The following SPAG1 variants were observed in gnomAD, a reference collection of about 807,000 sequenced individuals.
SPAG1 encodes sperm-associated antigen 1.
Under a neutral mutation model 100.5 loss-of-function variants are expected in SPAG1, and 69 were observed. The observed-to-expected ratio is 0.69, with a 90% confidence interval of 0.57 to 0.84. The LOEUF (loss-of-function observed/expected upper bound fraction) is 0.84, where lower values mean the gene tolerates loss of function less well. SPAG1 is among the 40% of genes least tolerant of loss of function. The probability of loss-of-function intolerance (pLI) is 0.00; values close to 1 mark genes in which losing one functional copy is unlikely to be tolerated. For synonymous variants in SPAG1, 336 were observed against 411.6 expected, an observed-to-expected ratio of 0.82 and a Z score of 2.22; for missense variants, 955 against 1,133.1, an observed-to-expected ratio of 0.84 and a Z score of 2.26.
intron 9 of SPAG1, among the ~76,000 whole-genome samples, chr8:100,193,848 G>A (rs1446658159): frequency 6.6e-6 from 1 of 152,122 alleles, no homozygotes; most frequent in Non-Finnish European, 1.5e-5. Context: ...CTAGAAAGAT[G>A]ATTATCAAAA....
Position 100,189,838 on chromosome 8 carries a change from C to A in SPAG1, c.833-1552C>A, listed in dbSNP as rs762418428. On this transcript the variant is annotated intron_variant, in intron 8 of 18. Coordinates refer to ENST00000388798, the MANE Select transcript of SPAG1 (RefSeq NM_003114.5). ...CTTCATAGAAATTCCCTTCAGAAAT[C>A]TGTGTAGCAATAGCAATAGCTAAAT... Among the ~76,000 whole-genome samples the A allele has an allele frequency of 3.3e-5, 5 of 152,224 alleles. No individual in the cohort carries two copies. The East Asian group carries it at 7.7e-4, about 23-fold the overall frequency.
At chr8:100,160,487 C>T (rs1043696029) in intron 1 of SPAG1, among the ~76,000 whole-genome samples, 4 of 152,050 alleles carry the variant, frequency 2.6e-5, no homozygotes, top group African/African-American at 4.8e-5. Flanking sequence ...ATTAGTTGGG[C>T]GTGGTGGCCC....
intron 3 of SPAG1, among the ~76,000 whole-genome samples, chr8:100,168,432 T>A (rs1397314727): frequency 6.6e-6 from 1 of 152,142 alleles, no homozygotes; most frequent in African/African-American, 2.4e-5. Context: ...GTTGCTTTTT[T>A]GCCCAGGCTG....
At chr8:100,219,418 T>A (rs911810399) in intron 12 of SPAG1, among the ~76,000 whole-genome samples, 3 of 152,240 alleles carry the variant, frequency 2.0e-5, no homozygotes, top group Non-Finnish European at 4.4e-5. Context: ...ATGGAGGACT[T>A]CTTTGCAGCT....
intron 11 of SPAG1, 143 bp downstream of exon 11, chr8:100,213,571 C>T: frequency 2.8e-6 from 2 of 719,576 alleles, no homozygotes; most frequent in South Asian, 2.8e-5. Flanking sequence ...ACTAAGAGCG[C>T]CGTGCCACCT....
intron 14 of SPAG1, among the ~76,000 whole-genome samples, chr8:100,226,685 A>G (rs1278792445): frequency 2.0e-5 from 3 of 152,146 alleles, no homozygotes; most frequent in Non-Finnish European, 4.4e-5. Context: ...CCTGGGTGAC[A>G]GAATAAGATG....
chr8:100,192,731 T>C (rs1816867285), intron 9 of SPAG1, among the ~76,000 whole-genome samples: 1 of 152,170 alleles, frequency 6.6e-6, no homozygotes, highest in South Asian at 2.1e-4. Flanking sequence ...GTAATGGTTA[T>C]GTTTATTTAT....
chr8:100,224,407 T>C (rs369715865), intron 13 of SPAG1, among the ~76,000 whole-genome samples: 7 of 152,142 alleles, frequency 4.6e-5, no homozygotes, highest in Admixed American at 2.6e-4. Flanking sequence ...CTGGGCGTGG[T>C]GGCGCGTGCC....
intron 14 of SPAG1, among the ~76,000 whole-genome samples, chr8:100,229,419 G>A (rs1472061971): frequency 6.6e-6 from 1 of 151,934 alleles, no homozygotes; most frequent in Non-Finnish European, 1.5e-5. Flanking sequence ...GCGAGACTCC[G>A]TCTCAAAAAA....
At chr8:100,229,891 A>G (rs1015233816) in intron 14 of SPAG1, among the ~76,000 whole-genome samples, 2 of 152,208 alleles carry the variant, frequency 1.3e-5, no homozygotes, top group African/African-American at 4.8e-5. Flanking sequence ...TTCAGGACTC[A>G]GAGACTCCAG....
intron 1 of SPAG1, among the ~76,000 whole-genome samples, chr8:100,161,022 A>G (rs1815283341): frequency 6.6e-6 from 1 of 152,026 alleles, no homozygotes; most frequent in African/African-American, 2.4e-5. Context: ...ATGGAAAAAA[A>G]CCTCTACCTT....
chr8:100,198,465 G>A (rs369164066), intron 10 of SPAG1, among the ~76,000 whole-genome samples: 23 of 152,202 alleles, frequency 1.5e-4, no homozygotes, highest in African/African-American at 4.6e-4. Context: ...AAAACTGGGC[G>A]AAGCATACAG....
intron 12 of SPAG1, among the ~76,000 whole-genome samples, chr8:100,216,651 G>A (rs940961579): frequency 5.9e-5 from 9 of 152,258 alleles, no homozygotes; most frequent in Admixed American, 3.9e-4. Flanking sequence ...CGTAGAGACC[G>A]ACCTACTCAG....
At chr8:100,190,491 A>G (rs1246921316) in intron 8 of SPAG1, among the ~76,000 whole-genome samples, 2 of 150,718 alleles carry the variant, frequency 1.3e-5, no homozygotes, top group Non-Finnish European at 3.0e-5. Context: ...CCAAAAAATC[A>G]AATGCGAATT....
At chr8:100,176,268 G>A (rs997754400) in intron 3 of SPAG1, among the ~76,000 whole-genome samples, 1 of 151,570 alleles carries the variant, frequency 6.6e-6, no homozygotes, top group Non-Finnish European at 1.5e-5. Flanking sequence ...AGCTTTATAG[G>A]TCCATCATCT....
Position 100,187,263 on chromosome 8 carries a change from A to T in SPAG1, c.832+13A>T. 1.3e-6 allele frequency: 2 copies of T among 1,591,474 alleles called. No homozygotes were observed. The highest frequency in any genetic ancestry group is 1.7e-6 in the Non-Finnish European group (2 of 1,168,006). ...GGAAACGTAAAGGGTAAAAAATATT[A>T]TAGAATTCTTTTACATTTACAGCAG... On this transcript the variant is annotated intron_variant, in intron 8 of 18. Coordinates refer to ENST00000388798, the MANE Select transcript of SPAG1 (RefSeq NM_003114.5).
chr8:100,193,874 CTGAA>C (rs1459690273), intron 9 of SPAG1, among the ~76,000 whole-genome samples: 3 of 152,006 alleles, frequency 2.0e-5, no homozygotes, highest in African/African-American at 4.8e-5. Flanking sequence ...ATAGTAGTAT[CTGAA>C]TGGCAAGATT....
chr8:100,209,484 A>T (rs1273201345), intron 10 of SPAG1, among the ~76,000 whole-genome samples: 1 of 149,030 alleles, frequency 6.7e-6, no homozygotes, highest in Non-Finnish European at 1.5e-5. Context: ...TTTTTTCAGG[A>T]TCTTTTTGGC....
At chr8:100,209,585 G>T (rs1397473273) in intron 10 of SPAG1, among the ~76,000 whole-genome samples, 1 of 151,378 alleles carries the variant, frequency 6.6e-6, no homozygotes, top group African/African-American at 2.4e-5. Context: ...TGCATCTGTA[G>T]ATTGCTTTGA....
Sources: allele counts gnomAD v4.1 joint callset (sites outside exome capture counted in the v4.1 genomes callset), GRCh38; gene constraint gnomAD v4.1.1; transcripts MANE v1.5; gene names NCBI Gene and HGNC (gene_info 2026-07-23, HGNC 2026-07-21).